The following TRPM6 variants were observed in gnomAD, a reference collection of about 807,000 sequenced individuals.
TRPM6 encodes transient receptor potential cation channel subfamily M member 6, also known as channel kinase 2.
Under a neutral mutation model 247.6 loss-of-function variants are expected in TRPM6, and 111 were observed. The ratio of observed to expected loss-of-function variants is 0.45; its 90% CI spans 0.38 to 0.52. The LOEUF is 0.52. Among genes scored for constraint, TRPM6 ranks in the 20% least tolerant of loss-of-function variants. TRPM6 has a pLI of 0.00. For missense variants in TRPM6, 2,126 were observed against 2,421.5 expected, an observed-to-expected ratio of 0.88 and a Z score of 2.56; for synonymous variants, 892 against 853.8, an observed-to-expected ratio of 1.04 and a Z score of -0.78.
chr9:74,821,478 A>G (rs1230097597), intron 8 of TRPM6, among the ~76,000 whole-genome samples, 191 bp downstream of exon 8: 2 of 152,234 alleles, frequency 1.3e-5, no homozygotes, highest in Non-Finnish European at 1.5e-5. Context: ...TCTTCAGCTA[A>G]GAAAATAGCA....
chr9:74,735,902 GAATAA>G (rs989121537), intron 36 of TRPM6, among the ~76,000 whole-genome samples: 1 of 152,166 alleles, frequency 6.6e-6, no homozygotes, highest in Admixed American at 6.5e-5. Flanking sequence ...GAAACTGAAA[GAATAA>G]ACTGCTCGAG....
intron 3 of TRPM6, 27 bp from the exon 4 acceptor site, chr9:74,842,370 C>G: frequency 2.5e-6 from 4 of 1,612,844 alleles, no homozygotes; most frequent in Non-Finnish European, 3.4e-6. Context: ...AAAAAAAACT[C>G]AACTTCAAAA....
chr9:74,860,426 T>G (rs555757694), intron 1 of TRPM6, among the ~76,000 whole-genome samples: 1 of 152,108 alleles, frequency 6.6e-6, no homozygotes, highest in African/African-American at 2.4e-5. Flanking sequence ...TGGCGCAATC[T>G]CGGCTCACTG....
At chr9:74,802,397 C>T (rs1365273349) in intron 15 of TRPM6, among the ~76,000 whole-genome samples, 1 of 152,152 alleles carries the variant, frequency 6.6e-6, no homozygotes, top group Non-Finnish European at 1.5e-5. Context: ...ACTGATATAT[C>T]TTAAGGTCAT....
At position 74,808,103 on chromosome 9, in the gene TRPM6, T is replaced by C. The variant is rs1828594153; in HGVS notation, c.1569A>G (p.Arg523=). The C allele has an allele frequency of 6.2e-7, 1 of 1,614,014 alleles. No individual in the cohort carries two copies. Among genetic ancestry groups the C allele is most frequent in the East Asian group, 2.2e-5 (1 of 44,852 alleles). Residue 523 remains arginine (R), a synonymous_variant, in exon 14 of 39, where the codon AGA becomes AGG. Coordinates refer to ENST00000360774, the MANE Select transcript of TRPM6 (RefSeq NM_017662.5). ...TTCTAGTGTAGTTGCTGCGATATGC[T>C]CTACCAATGAGGTATTCTACTACTA... ...IGLVVEYLIG[R]AYRSNYTRKH...
intron 14 of TRPM6, among the ~76,000 whole-genome samples, chr9:74,807,459 T>C (rs530865586): frequency 6.6e-6 from 1 of 152,322 alleles, no homozygotes; most frequent in African/African-American, 2.4e-5. Context: ...TTTCAAGAAA[T>C]AGGCAATGTT....
chr9:74,794,713 G>A (rs747995709), intron 18 of TRPM6, among the ~76,000 whole-genome samples: 5 of 151,960 alleles, frequency 3.3e-5, no homozygotes, highest in African/African-American at 4.8e-5. Context: ...AGTGCTGATC[G>A]GGCCTGTCTC....
At chr9:74,864,028 G>T (rs189194155) in intron 1 of TRPM6, among the ~76,000 whole-genome samples, 12 of 152,032 alleles carry the variant, frequency 7.9e-5, no homozygotes, top group African/African-American at 2.9e-4. Context: ...TTCTTCAGTG[G>T]AACTGATAAC....
intron 2 of TRPM6, 140 bp from the exon 3 acceptor site, chr9:74,855,705 T>G (rs1830503652): frequency 4.3e-6 from 3 of 691,104 alleles, no homozygotes; most frequent in Non-Finnish European, 7.8e-6. Flanking sequence ...TTCCAAATAT[T>G]CCATTATGGC....
intron 1 of TRPM6, among the ~76,000 whole-genome samples, chr9:74,869,784 T>C (rs1322452447): frequency 6.6e-6 from 1 of 152,066 alleles, no homozygotes; most frequent in Admixed American, 6.6e-5. Context: ...TGGAAATGAC[T>C]GTAGAGATCT....
intron 1 of TRPM6, among the ~76,000 whole-genome samples, chr9:74,866,518 G>T (rs1231450893): frequency 6.6e-6 from 1 of 152,040 alleles, no homozygotes; most frequent in East Asian, 1.9e-4. Flanking sequence ...TTTCACTCTT[G>T]TTGCCCAGGC....
chr9:74,817,005 T>C, intron 9 of TRPM6, 41 bp from the exon 10 acceptor site: 1 of 1,512,228 alleles, frequency 6.6e-7, no homozygotes, highest in Non-Finnish European at 9.2e-7. Context: ...TTTGGGGAAC[T>C]ACCAAATAAA....
chr9:74,832,924 G>GC (rs1829593794), intron 6 of TRPM6, among the ~76,000 whole-genome samples: 1 of 152,016 alleles, frequency 6.6e-6, no homozygotes, highest in Non-Finnish European at 1.5e-5. Flanking sequence ...GGTGGTGGGT[G>GC]CCTGTAATCC....
chr9:74,732,500 AT>A (rs1175969127), intron 37 of TRPM6, among the ~76,000 whole-genome samples, 184 bp downstream of exon 37: 2 of 152,070 alleles, frequency 1.3e-5, no homozygotes, highest in Admixed American at 6.5e-5. Flanking sequence ...ATATTTCCAT[AT>A]TTTCCCCCCA....
chr9:74,883,048 A>T (rs1307725588), intron 1 of TRPM6, among the ~76,000 whole-genome samples: 3 of 152,100 alleles, frequency 2.0e-5, no homozygotes, highest in Non-Finnish European at 4.4e-5. Context: ...TGCCAACCAT[A>T]ATTCCACTTT....
At chr9:74,853,392 C>A (rs1185865864) in intron 3 of TRPM6, among the ~76,000 whole-genome samples, 2 of 152,058 alleles carry the variant, frequency 1.3e-5, no homozygotes, top group Non-Finnish European at 2.9e-5. Flanking sequence ...GCCATGATGA[C>A]GATGGCGGTT....
chr9:74,806,681 A>C (rs1021451895), intron 14 of TRPM6, among the ~76,000 whole-genome samples: 7 of 152,216 alleles, frequency 4.6e-5, no homozygotes, highest in Admixed American at 1.3e-4. Context: ...TAAAAGGGTC[A>C]TTACTATTCC....
intron 3 of TRPM6, among the ~76,000 whole-genome samples, chr9:74,848,977 G>A (rs1830197957): frequency 6.6e-6 from 1 of 152,162 alleles, no homozygotes; most frequent in African/African-American, 2.4e-5. Flanking sequence ...AGCTGTTATG[G>A]ACTGAATTGT....
At chr9:74,800,931 A>G (rs542561006) in intron 16 of TRPM6, among the ~76,000 whole-genome samples, 2 of 151,212 alleles carry the variant, frequency 1.3e-5, no homozygotes, top group African/African-American at 4.9e-5. Context: ...TGACAAAAAA[A>G]ACTATTCAGA....
Sources: gnomAD v4.1 joint callset for allele counts (sites outside exome capture counted in the v4.1 genomes callset) on GRCh38, gnomAD v4.1.1 for gene constraint, MANE v1.5 for transcripts, NCBI Gene and HGNC (gene_info 2026-07-23, HGNC 2026-07-21) for gene names.